Variants in PPFIA2 observed in about 807,000 individuals in gnomAD.
PPFIA2 encodes the protein PPFI scaffold protein A2.
Under a neutral mutation model 175.5 loss-of-function variants are expected in PPFIA2, and 46 were observed. That is an observed-to-expected ratio of 0.26 (90% CI 0.21 to 0.34). The LOEUF is 0.34. Among genes scored for constraint, PPFIA2 ranks in the 10% least tolerant of loss-of-function variants. The pLI is 1.00. For synonymous variants in PPFIA2, 568 were observed against 511.4 expected (o/e 1.11, Z -1.49); for missense variants, 1,179 against 1,506.1 (o/e 0.78, Z 3.60).
chr12:81,267,963 A>C lies in PPFIA2; in HGVS notation c.3435T>G (p.Phe1145Leu), dbSNP rs1467028989. The change falls in exon 29 of 33, where the codon TTT becomes TTG. Residue 1145 changes from phenylalanine (F) to leucine (L), a missense_variant. By Grantham distance (22) the Phe-to-Leu change is conservative. Around this residue, in one of 10 missense-constraint regions of PPFIA2, gnomAD observed 245 missense variants for 375.1 expected, o/e 0.65. Coordinates refer to ENST00000549396, the MANE Select transcript of PPFIA2 (RefSeq NM_003625.5). ...ATAATAAAGCTAAGCTGCTGTAGTC[A>C]AAGTTTTCATCCAGGGCTATAAGTG... ...HGSLIALDEN[F>L]DYSSLALLLQ... The C allele has an allele frequency of 6.3e-7, 1 of 1,599,606 alleles. No homozygotes were observed. The highest frequency in any genetic ancestry group is 1.1e-5 in the South Asian group (1 of 88,382).
chr12:81,637,652 A>G (rs1262267625), intron 4 of PPFIA2, among the ~76,000 whole-genome samples: 1 of 152,120 alleles, frequency 6.6e-6, no homozygotes, highest in Admixed American at 6.6e-5. Context: ...GCACTAGATA[A>G]TAACATTTGT....
intron 4 of PPFIA2, among the ~76,000 whole-genome samples, chr12:81,620,150 A>T (rs1449225631): frequency 9.4e-6 from 1 of 106,926 alleles, no homozygotes; most frequent in Non-Finnish European, 1.8e-5. Context: ...ACAGAGTGAC[A>T]CTCCTTCTCA....
intron 3 of PPFIA2, among the ~76,000 whole-genome samples, chr12:81,680,868 A>G (rs967449485): frequency 5.9e-5 from 9 of 151,940 alleles, no homozygotes; most frequent in Non-Finnish European, 2.9e-5. Context: ...CTATAGTGCA[A>G]AATTTAAGTA....
intron 4 of PPFIA2, among the ~76,000 whole-genome samples, chr12:81,483,379 A>G (rs1235643867): frequency 6.6e-6 from 1 of 152,194 alleles, no homozygotes; most frequent in Non-Finnish European, 1.5e-5. Flanking sequence ...GGCAATATGA[A>G]GAAATAAAGT....
chr12:81,447,731 C>G (rs2051575142), intron 5 of PPFIA2, among the ~76,000 whole-genome samples: 1 of 152,126 alleles, frequency 6.6e-6, no homozygotes, highest in Non-Finnish European at 1.5e-5. Context: ...CCTCTTGATC[C>G]TCTCTGGATT....
chr12:81,557,177 G>C (rs1467573349), intron 4 of PPFIA2, among the ~76,000 whole-genome samples: 1 of 146,066 alleles, frequency 6.8e-6, no homozygotes, highest in Non-Finnish European at 1.5e-5. Flanking sequence ...AGAGAGGACA[G>C]ATATAGATCT....
intron 4 of PPFIA2, among the ~76,000 whole-genome samples, chr12:81,592,610 C>A (rs973500143): frequency 1.3e-5 from 2 of 152,104 alleles, no homozygotes; most frequent in Non-Finnish European, 2.9e-5. Context: ...AGAGCACAAG[C>A]TCTCTCTTTG....
intron 4 of PPFIA2, among the ~76,000 whole-genome samples, chr12:81,464,556 C>A (rs916400995): frequency 2.6e-5 from 4 of 152,082 alleles, no homozygotes; most frequent in African/African-American, 7.2e-5. Context: ...GGCCTTAGGT[C>A]AATATGTTGT....
intron 4 of PPFIA2, among the ~76,000 whole-genome samples, chr12:81,618,827 C>G (rs1004500997): frequency 6.7e-6 from 1 of 149,722 alleles, no homozygotes; most frequent in African/African-American, 2.5e-5. Context: ...CCACCGCGCC[C>G]GGCCCATGGC....
chr12:81,330,583 A>G (rs954122738), intron 21 of PPFIA2, among the ~76,000 whole-genome samples: 3 of 152,138 alleles, frequency 2.0e-5, no homozygotes, highest in South Asian at 2.1e-4. Context: ...ATTTCATTCA[A>G]AATCACTTAT....
intron 7 of PPFIA2, among the ~76,000 whole-genome samples, chr12:81,436,032 C>T (rs971819900): frequency 6.6e-6 from 1 of 151,690 alleles, no homozygotes; most frequent in African/African-American, 2.4e-5. Context: ...AATCTCAGTG[C>T]TTTGGGAGGC....
intron 9 of PPFIA2, among the ~76,000 whole-genome samples, chr12:81,381,266 T>A (rs1031553468): frequency 1.3e-5 from 2 of 152,116 alleles, no homozygotes; most frequent in Non-Finnish European, 2.9e-5. Flanking sequence ...TTAAAATAAT[T>A]CCACATGAAA....
At chr12:81,432,481 T>C (rs74805447) in intron 7 of PPFIA2, among the ~76,000 whole-genome samples, 1 of 151,190 alleles carries the variant, frequency 6.6e-6, no homozygotes, top group Admixed American at 6.6e-5. Context: ...TTTTTTTTTT[T>C]TCAATACAGA....
chr12:81,579,763 C>T (rs138065954), intron 4 of PPFIA2, among the ~76,000 whole-genome samples: 161 of 151,926 alleles, frequency 1.1e-3, no homozygotes, highest in Non-Finnish European at 1.9e-3. Flanking sequence ...TTCACATAGA[C>T]GGTACCGTTT....
At chr12:81,652,018 T>C (rs2067106323) in intron 4 of PPFIA2, among the ~76,000 whole-genome samples, 1 of 151,714 alleles carries the variant, frequency 6.6e-6, no homozygotes, top group Admixed American at 6.6e-5. Flanking sequence ...ATTTGCTCTT[T>C]CTGAACGTTG....
At position 81,423,202 on chromosome 12, in the gene PPFIA2, G is replaced by A. The variant is rs537550932; in HGVS notation, c.645+16770C>T. On this transcript the variant is annotated intron_variant, in intron 7 of 32. Coordinates refer to ENST00000549396, the MANE Select transcript of PPFIA2 (RefSeq NM_003625.5). ...TCTACCAAACACTGAAAGAGGAATT[G>A]ATACCAACTCATCTTAAGCTCTTCC... is the stretch of plus-strand genomic sequence containing the variant. Among the ~76,000 whole-genome samples the A allele has an allele frequency of 4.1e-4, 62 of 152,222 alleles. No homozygotes were observed. In the South Asian group the frequency reaches 0.012, roughly 29 times the overall value.
In PPFIA2 at chr12:81,457,988, T is replaced by C. The variant is rs534258123; in HGVS notation, c.304-122A>G. 205 of 631,642 alleles carry C rather than the reference T, an allele frequency of 3.2e-4. No individual in the cohort carries two copies. The African/African-American group carries it at 3.4e-3, about 10-fold the overall frequency. The allele number at this position is 631,642 out of a possible 1,614,324, so 39.1% of individuals were successfully genotyped here. On this transcript the variant is annotated intron_variant, in intron 4 of 32. Coordinates refer to ENST00000549396, the MANE Select transcript of PPFIA2 (RefSeq NM_003625.5). ...ATGACCCCACTGACTGGTCAACATA[T>C]GTTGCTGTTATGAAGTATCTTAAAT...
At chr12:81,418,725 T>C (rs980050278) in intron 7 of PPFIA2, among the ~76,000 whole-genome samples, 1 of 151,952 alleles carries the variant, frequency 6.6e-6, no homozygotes, top group Non-Finnish European at 1.5e-5. Flanking sequence ...ACTGTTCAAA[T>C]GGATACAGTT....
At chr12:81,570,878 T>G (rs772380034) in intron 4 of PPFIA2, among the ~76,000 whole-genome samples, 2 of 151,952 alleles carry the variant, frequency 1.3e-5, no homozygotes, top group African/African-American at 4.8e-5. Context: ...ACTGAAGATA[T>G]GATCTCTTAC....
Sources: allele counts gnomAD v4.1 joint callset (sites outside exome capture counted in the v4.1 genomes callset), GRCh38; gene constraint gnomAD v4.1.1; regional missense constraint gnomAD v4.1.1; transcripts MANE v1.5; gene names NCBI Gene and HGNC (gene_info 2026-07-23, HGNC 2026-07-21).